Variants in DNAAF11 observed in about 807,000 individuals in gnomAD.
DNAAF11 encodes leucine rich repeat containing 6.
DNAAF11 carries 45 observed loss-of-function variants against 60.8 expected under a neutral mutation model. The ratio of observed to expected loss-of-function variants is 0.74; its 90% confidence interval spans 0.58 to 0.95. The LOEUF (loss-of-function observed/expected upper bound fraction) is 0.95, where lower values mean the gene tolerates loss of function less well. DNAAF11 is among the 40% of genes least tolerant of loss of function. DNAAF11 has a pLI of 0.00. For missense variants in DNAAF11, 546 were observed against 546.2 expected, an observed-to-expected ratio of 1.00 and a Z score of 0.00; for synonymous variants, 191 against 183.5, an observed-to-expected ratio of 1.04 and a Z score of -0.33.
At chr8:132,629,030 C>T (rs1260428918) in intron 5 of DNAAF11, among the ~76,000 whole-genome samples, 1 of 152,146 alleles carries the variant, frequency 6.6e-6, no homozygotes, top group Non-Finnish European at 1.5e-5. Flanking sequence ...TGGAGCAATG[C>T]ATTAGCAAAT....
At chr8:132,638,525 T>A (rs1426946547) in intron 3 of DNAAF11, among the ~76,000 whole-genome samples, 1 of 152,120 alleles carries the variant, frequency 6.6e-6, no homozygotes, top group Non-Finnish European at 1.5e-5. Context: ...AGCAGGTAGG[T>A]GGGACATATT....
At chr8:132,694,052 C>A in the DNAAF11 span, among the ~76,000 whole-genome samples, 1 of 152,140 alleles carries the variant, frequency 6.6e-6, no homozygotes, top group Non-Finnish European at 1.5e-5. Flanking sequence ...GAGCAAAGAT[C>A]AGAAGCAATG....
rs1223407208 is a variant in DNAAF11, at chr8:132,572,413, CTA to C, written c.1292_1293del (p.Ile431SerfsTer13). On this transcript the variant is annotated frameshift_variant, in exon 12 of 12. Transcript: ENST00000620350. LOFTEE classifies it high-confidence loss of function. ...SKHSFPDVTNIVQEKKHTPRR... is the reference protein window; with the variant it reads ...SKHSFPDVTNXVQEKKHTPRR... ...CTGGGTGTGTGTTTTTTCTCTTGAACTATGTTAGTCACATCAGGGAATGAGTG... is the reference window on the plus strand; with the variant it reads ...CTGGGTGTGTGTTTTTTCTCTTGAACTGTTAGTCACATCAGGGAATGAGTG... The C allele has an allele frequency of 6.2e-7, 1 of 1,613,586 alleles. No homozygotes were observed. Among genetic ancestry groups the C allele is most frequent in the Non-Finnish European group, 8.5e-7 (1 of 1,179,730 alleles).
chr8:132,595,347 G>GAAAAAAAAAAAAAAAAAAAAA lies in DNAAF11; in HGVS notation c.1141-11569_1141-11568insTTTTTTTTTTTTTTTTTTTTT, dbSNP rs1563992420. Among the ~76,000 whole-genome samples the GAAAAAAAAAAAAAAAAAAAAA allele has an allele frequency of 2.0e-4, 8 of 40,676 alleles. 4 individuals carry two copies. Among genetic ancestry groups the GAAAAAAAAAAAAAAAAAAAAA allele is most frequent in the Non-Finnish European group, 9.4e-5 (2 of 21,376 alleles). The allele number at this position is 40,676 out of a possible 152,430, so 26.7% of individuals were successfully genotyped here. The stretch of plus-strand genomic sequence containing the variant: ...TTCCCGAAAGAGAGAGAGACAGAGG[G>GAAAAAAAAAAAAAAAAAAAAA]GAAAAAAAAAAAAAAAAAAAAAAAA... On this transcript the variant is annotated intron_variant, in intron 10 of 11. Coordinates refer to ENST00000620350, the MANE Select transcript of DNAAF11 (RefSeq NM_012472.6).
At chr8:132,676,890 C>T (rs1350975538), upstream of DNAAF11, among the ~76,000 whole-genome samples, 1 of 152,116 alleles carries the variant, frequency 6.6e-6, no homozygotes, top group Non-Finnish European at 1.5e-5. Flanking sequence ...GGAGGCCTCC[C>T]AAAAGGCACT....
intron 3 of DNAAF11, among the ~76,000 whole-genome samples, chr8:132,656,600 T>C (rs1478208508): frequency 6.6e-6 from 1 of 152,106 alleles, no homozygotes; most frequent in Non-Finnish European, 1.5e-5. Context: ...GCCTCCTGAG[T>C]AGCTGGGATT....
intron 1 of DNAAF11, 135 bp downstream of exon 1, chr8:132,675,349 C>T: frequency 1.1e-6 from 1 of 906,208 alleles, no homozygotes. Context: ...TGCGGAGGGC[C>T]GGGTGGGGTT....
At chr8:132,640,762 C>A (rs1210844549) in intron 3 of DNAAF11, among the ~76,000 whole-genome samples, 1 of 151,912 alleles carries the variant, frequency 6.6e-6, no homozygotes, top group African/African-American at 2.4e-5. Flanking sequence ...TTAATAATCT[C>A]CTTATAAACT....
chr8:132,624,436 G>A (rs1310633560), intron 6 of DNAAF11, among the ~76,000 whole-genome samples: 2 of 152,110 alleles, frequency 1.3e-5, no homozygotes, highest in Admixed American at 6.5e-5. Flanking sequence ...AATCACCCAC[G>A]TTTTACAAAC....
chr8:132,598,489 C>G (rs1245291850), intron 10 of DNAAF11, among the ~76,000 whole-genome samples: 1 of 152,118 alleles, frequency 6.6e-6, no homozygotes, highest in Non-Finnish European at 1.5e-5. Flanking sequence ...GCTAAATAGT[C>G]ATAATTGTAG....
chr8:132,693,380 A>G, the DNAAF11 span, among the ~76,000 whole-genome samples: 1 of 152,182 alleles, frequency 6.6e-6, no homozygotes, highest in Non-Finnish European at 1.5e-5. Context: ...GTGCATATTT[A>G]TGTATATCCA....
intron 10 of DNAAF11, among the ~76,000 whole-genome samples, chr8:132,608,162 G>A (rs964342137): frequency 2.6e-5 from 4 of 151,882 alleles, no homozygotes; most frequent in Non-Finnish European, 4.4e-5. Context: ...TGAAAAAGAC[G>A]ACAAATTTTC....
the DNAAF11 span, among the ~76,000 whole-genome samples, chr8:132,684,040 G>A: frequency 6.6e-6 from 1 of 152,144 alleles, no homozygotes; most frequent in Non-Finnish European, 1.5e-5. Context: ...GGCACTCCAT[G>A]GCACCCCCTG....
At chr8:132,634,052 A>T (rs1014118622) in intron 4 of DNAAF11, among the ~76,000 whole-genome samples, 2 of 152,214 alleles carry the variant, frequency 1.3e-5, no homozygotes, top group African/African-American at 2.4e-5. Flanking sequence ...AAAGGAAAAA[A>T]AAATACACAC....
chr8:132,652,980 G>A (rs539885625), intron 3 of DNAAF11, among the ~76,000 whole-genome samples: 1 of 152,074 alleles, frequency 6.6e-6, no homozygotes, highest in South Asian at 2.1e-4. Context: ...AATTGTAGAT[G>A]GACTGAACTA....
At chr8:132,675,760 A>G (rs1473760322), upstream of DNAAF11, 9 of 410,570 alleles carry the variant, frequency 2.2e-5, no homozygotes, top group South Asian at 7.4e-4. Context: ...CCGACTTGCC[A>G]CAGACTGCTT....
At chr8:132,600,538 A>G (rs1320177848) in intron 10 of DNAAF11, among the ~76,000 whole-genome samples, 1 of 152,250 alleles carries the variant, frequency 6.6e-6, no homozygotes, top group Non-Finnish European at 1.5e-5. Flanking sequence ...ACAAGGCTAT[A>G]GTAACCAAAA....
chr8:132,615,215 C>A, intron 7 of DNAAF11, 118 bp from the exon 8 acceptor site: 1 of 522,614 alleles, frequency 1.9e-6, no homozygotes, highest in Non-Finnish European at 3.4e-6. Flanking sequence ...CCAAAGACAA[C>A]TTATTTTAGT....
intron 3 of DNAAF11, among the ~76,000 whole-genome samples, chr8:132,650,150 A>G (rs1822853949): frequency 6.6e-6 from 1 of 152,236 alleles, no homozygotes; most frequent in African/African-American, 2.4e-5. Flanking sequence ...TGGATTAAGA[A>G]AATGTGGCAC....
Sources: gnomAD v4.1 joint callset for allele counts (sites outside exome capture counted in the v4.1 genomes callset) on GRCh38, gnomAD v4.1.1 for gene constraint, MANE v1.5 for transcripts, NCBI Gene and HGNC (gene_info 2026-07-23, HGNC 2026-07-21) for gene names.